The following SSC5D variants were observed in gnomAD, a reference collection of about 807,000 sequenced individuals.
SSC5D encodes soluble scavenger receptor cysteine-rich domain-containing protein SSC5D.
Under a neutral mutation model 104.6 loss-of-function variants are expected in SSC5D, and 106 were observed. The observed-to-expected ratio is 1.01, with a 90% CI of 0.87 to 1.19. The LOEUF (loss-of-function observed/expected upper bound fraction) is 1.19, where lower values mean the gene tolerates loss of function less well. SSC5D is among the 50% of genes most tolerant of loss of function. SSC5D has a pLI of 0.00. For synonymous variants in SSC5D, 860 were observed against 883.5 expected (o/e 0.97, Z 0.47); for missense variants, 1,993 against 2,153.8 (o/e 0.93, Z 1.48).
Position 55,488,452 on chromosome 19 carries a change from C to G in SSC5D, c.-138C>G. On this transcript the variant is annotated 5_prime_UTR_variant, in exon 1 of 14. Transcript: ENST00000389623. ...CTCTTTCTTCCTCCTGGCAAAGCGT[C>G]CAGCCCTGCCTGCTCCTCCTCGGGC... 2 of 590,018 alleles carry G rather than the reference C, an allele frequency of 3.4e-6. No homozygotes were observed. Among genetic ancestry groups the G allele is most frequent in the Non-Finnish European group, 5.9e-6 (2 of 340,566 alleles). The allele number at this position is 590,018 out of a possible 1,614,324, so 36.5% of individuals were successfully genotyped here.
At position 55,493,740 on chromosome 19, in the gene SSC5D, C is replaced by A; in HGVS notation, c.1041C>A (p.Cys347Ter). ...DAAVACRELG[C>*]GGALAAPGGA... ...CTGTGGCCTGCCGAGAGCTGGGCTGCGGAGGGGCGCTGGCCGCCCCCGGGG... is the reference window on the plus strand; with the variant it reads ...CTGTGGCCTGCCGAGAGCTGGGCTGAGGAGGGGCGCTGGCCGCCCCCGGGG... Residue 347 changes from cysteine (C) to a stop codon, truncating the protein, a stop_gained, in exon 7 of 14, where the codon TGC becomes TGA. Coordinates refer to ENST00000389623, the MANE Select transcript of SSC5D (RefSeq NM_001144950.2). LOFTEE classifies it high-confidence loss of function. 6.6e-7 allele frequency: 1 copy of A among 1,522,972 alleles called. No individual in the cohort carries two copies. Among genetic ancestry groups the A allele is most frequent in the Admixed American group, 2.1e-5 (1 of 46,570 alleles). The allele number at this position is 1,522,972 out of a possible 1,614,324, so 94.3% of individuals were successfully genotyped here. A position where few individuals can be genotyped will look rare whatever the true frequency, so the allele number is the denominator to read the frequency against.
intron 12 of SSC5D, chr19:55,504,399 G>T (rs1987593431): frequency 1.6e-6 from 2 of 1,258,370 alleles, no homozygotes; most frequent in African/African-American, 1.5e-5. Context: ...GCGGGGTGGA[G>T]TGGGAGACGA....
At position 55,501,048 on chromosome 19, in the gene SSC5D, G is replaced by A; in HGVS notation, c.2632G>A (p.Asp878Asn). The A allele has an allele frequency of 2.6e-6, 4 of 1,551,976 alleles. No individual in the cohort carries two copies. Among genetic ancestry groups the A allele is most frequent in the Non-Finnish European group, 3.5e-6 (4 of 1,147,026 alleles). The stretch of plus-strand genomic sequence containing the variant: ...TTTCTCCAAAGGCTACACAGACTAT[G>A]ACGATTATCCCCCCTGGACCTGGGA... ...GLTCTGYTDY[D>N]DYPPWTWDPT... Residue 878 changes from aspartate (D) to asparagine (N), a missense_variant, in exon 12 of 14, where the codon GAC becomes AAC. Transcript: ENST00000389623.
intron 1 of SSC5D, 128 bp downstream of exon 1, chr19:55,488,742 C>A (rs1987025372): frequency 7.0e-6 from 6 of 857,594 alleles, no homozygotes; most frequent in Non-Finnish European, 1.1e-5. Flanking sequence ...CCTGACATCC[C>A]TTCTGAGGAT....
chr19:55,498,032 C>G lies in SSC5D; in HGVS notation c.1540C>G (p.Gln514Glu). The change falls in exon 9 of 14, where the codon CAG (glutamine) becomes GAG (glutamate). Residue 514 changes from glutamine (Q) to glutamate (E), a missense_variant. Physicochemically the swap from Gln to Glu is conservative, Grantham distance 29. Coordinates refer to ENST00000389623, the MANE Select transcript of SSC5D (RefSeq NM_001144950.2). ...VCRELGCGGP[Q>E]QPDPAAGRFG... is the part of the protein sequence containing the mutation. Reference sequence around the variant, plus strand: ...CCGGGAGCTGGGCTGTGGTGGACCTCAGCAGCCAGACCCTGCTGCTGGCCG... The same window carrying G: ...CCGGGAGCTGGGCTGTGGTGGACCTGAGCAGCCAGACCCTGCTGCTGGCCG... 1 of 1,551,750 alleles carries G rather than the reference C, an allele frequency of 6.4e-7. No individual in the cohort carries two copies. Among genetic ancestry groups the G allele is most frequent in the Non-Finnish European group, 8.7e-7 (1 of 1,147,026 alleles).
In SSC5D at chr19:55,517,453, C is replaced by A. The variant is rs1048715810; in HGVS notation, c.3177C>A (p.Asn1059Lys). The change falls in exon 14 of 14, where the codon AAC becomes AAA. Residue 1059 changes from asparagine (N) to lysine (K), a missense_variant. Around this residue, in one of 6 missense-constraint regions of SSC5D, gnomAD observed 423 missense variants for 409.2 expected, o/e 1.03. Coordinates refer to ENST00000389623, the MANE Select transcript of SSC5D (RefSeq NM_001144950.2). ...CCCCAGACCCGGCCTCCCGGACGAACCCCGACCTCATCTTGACAAGCCCTG... is the reference window on the plus strand; with the variant it reads ...CCCCAGACCCGGCCTCCCGGACGAAACCCGACCTCATCTTGACAAGCCCTG... ...PPTPDPASRTNPDLILTSPDF... is the reference protein window; with the variant it reads ...PPTPDPASRTKPDLILTSPDF... 2.6e-6 allele frequency: 4 copies of A among 1,551,044 alleles called. No individual in the cohort carries two copies. The South Asian group carries it at 3.6e-5, about 14-fold the overall frequency.
chr19:55,516,459 T>A (rs1294497832), intron 13 of SSC5D, among the ~76,000 whole-genome samples: 1 of 150,362 alleles, frequency 6.7e-6, no homozygotes, highest in Non-Finnish European at 1.5e-5. Context: ...ATCACGCCAC[T>A]GCACTCCAGC....
At chr19:55,504,219 C>A in intron 12 of SSC5D, 1 of 1,532,170 alleles carries the variant, frequency 6.5e-7, no homozygotes, top group Non-Finnish European at 8.7e-7. Context: ...GAGGCGGGCA[C>A]GTGCCGGGCA....
At chr19:55,516,167 C>CAAA (rs35777415) in intron 13 of SSC5D, among the ~76,000 whole-genome samples, 61 of 143,544 alleles carry the variant, frequency 4.2e-4, no homozygotes, top group East Asian at 8.3e-4. Flanking sequence ...AAATTAATGC[C>CAAA]AAAAAAAAAA....
chr19:55,489,006 C>G lies in SSC5D; in HGVS notation c.26C>G (p.Ala9Gly). ...CCCCACCCTCCGCCCTCCCTTCCAG[C>G]GGCCCTGGTGGGGATCCAGGCTGTT... MRVLACLL[A>G]ALVGIQAVER... is the part of the protein sequence containing the mutation. The change falls in exon 2 of 14, where the codon GCG (alanine) becomes GGG (glycine). Residue 9 changes from alanine (A) to glycine (G), a missense_variant and splice_region_variant. Coordinates refer to ENST00000389623, the MANE Select transcript of SSC5D (RefSeq NM_001144950.2). 6.7e-7 allele frequency: 1 copy of G among 1,501,178 alleles called. No homozygotes were observed. Among genetic ancestry groups the G allele is most frequent in the Non-Finnish European group, 8.9e-7 (1 of 1,126,406 alleles). The allele number at this position is 1,501,178 out of a possible 1,614,324, so 93.0% of individuals were successfully genotyped here. A position where few individuals can be genotyped will look rare whatever the true frequency, so the allele number is the denominator to read the frequency against.
At chr19:55,493,538 A>C in intron 6 of SSC5D, 57 bp from the exon 7 acceptor site, 1 of 1,369,142 alleles carries the variant, frequency 7.3e-7, no homozygotes, top group East Asian at 2.9e-5. Context: ...AGCATAGCTT[A>C]GTCCCCGCTC....
chr19:55,491,233 C>T (rs1987136167), intron 6 of SSC5D, 153 bp downstream of exon 6: 1 of 830,158 alleles, frequency 1.2e-6, no homozygotes, highest in South Asian at 1.8e-5. Context: ...GCTCTCCAGC[C>T]CCTCCTTCCA....
rs532032070 is a variant in SSC5D, at chr19:55,490,752, C to A, written c.587-20C>A. 1 of 1,477,492 alleles carries A rather than the reference C, an allele frequency of 6.8e-7. No homozygotes were observed. 91.5% of individuals were successfully genotyped at this position (1,477,492 alleles called of 1,614,324 possible). On this transcript the variant is annotated intron_variant, in intron 5 of 13. Transcript: ENST00000389623. ...TCATTTCTCACTGGCCACACCGTCC[C>A]CTCCCTGCTCACCCCACAGAGCGGC...
chr19:55,489,072 C>G (rs1987048417), intron 2 of SSC5D, 40 bp downstream of exon 2: 1 of 1,061,864 alleles, frequency 9.4e-7, no homozygotes, highest in Admixed American at 3.6e-5. Flanking sequence ...GCCCCCCCCC[C>G]CAGGCCTCCC....
Position 55,500,189 on chromosome 19 carries a change from C to T in SSC5D, c.2079C>T (p.Thr693=). ...CCACGGAGGCCCCCCAGAGATGGAC[C>T]TCTCACACCACTGCCACGCTGACCC... The part of the protein sequence containing the change: ...RPTTEAPQRW[T]SHTTATLTPQ... Residue 693 remains threonine, a synonymous_variant, in exon 10 of 14, where the codon ACC becomes ACT. Coordinates refer to ENST00000389623, the MANE Select transcript of SSC5D (RefSeq NM_001144950.2). The surrounding 1 kb of genome is among the most constrained non-coding windows in gnomAD (Gnocchi z 4.6). 6.4e-7 allele frequency: 1 copy of T among 1,551,376 alleles called. No individual in the cohort carries two copies. Among genetic ancestry groups the T allele is most frequent in the Non-Finnish European group, 8.7e-7 (1 of 1,146,888 alleles).
Position 55,513,082 on chromosome 19 carries a change from C to T in SSC5D, c.2857C>T (p.Pro953Ser). 6.4e-7 allele frequency: 1 copy of T among 1,551,152 alleles called. No homozygotes were observed. The highest frequency in any genetic ancestry group is 8.7e-7 in the Non-Finnish European group (1 of 1,146,660). Reference sequence around the variant, plus strand: ...AGGAAGGGGCCTGGCTGAGGGGACCCCTACCGCAGGCAAACTAGGACCAAC... The same window carrying T: ...AGGAAGGGGCCTGGCTGAGGGGACCTCTACCGCAGGCAAACTAGGACCAAC... The part of the protein sequence containing the change: ...PSGRGLAEGT[P>S]TAGKLGPTLG... The change falls in exon 13 of 14, where the codon CCT (proline) becomes TCT (serine). Residue 953 changes from proline to serine, a missense_variant. Pro to Ser is a moderately conservative substitution (Grantham distance 74). Around this residue, in one of 6 missense-constraint regions of SSC5D, gnomAD observed 423 missense variants for 409.2 expected, o/e 1.03. Coordinates refer to ENST00000389623, the MANE Select transcript of SSC5D (RefSeq NM_001144950.2).
rs1987477076 is a variant in SSC5D, at chr19:55,500,813, G to C, written c.2617+9G>C. The C allele has an allele frequency of 6.5e-7, 1 of 1,543,304 alleles. No individual in the cohort carries two copies. Among genetic ancestry groups the C allele is most frequent in the Non-Finnish European group, 8.8e-7 (1 of 1,140,850 alleles). ...GGGGCTCACCTGCACTGGTACCAGG[G>C]CATGGCGGCGGTGGTGGGGTTGTCG... is the stretch of plus-strand genomic sequence containing the variant. On this transcript the variant is annotated intron_variant, in intron 11 of 13. Coordinates refer to ENST00000389623, the MANE Select transcript of SSC5D (RefSeq NM_001144950.2). This position sits in a 1 kb window ranked among gnomAD's most constrained non-coding sequence, Gnocchi z 4.6.
chr19:55,516,461 C>T (rs1033349144), intron 13 of SSC5D, among the ~76,000 whole-genome samples: 3 of 151,350 alleles, frequency 2.0e-5, no homozygotes, highest in African/African-American at 7.3e-5. Flanking sequence ...CACGCCACTG[C>T]ACTCCAGCCT....
rs560697146 is a variant in SSC5D at position 55,501,196 on chromosome 19, A to T, written c.2780A>T (p.Asp927Val). 99 of 1,528,144 alleles carry T rather than the reference A, an allele frequency of 6.5e-5. 1 individual carries two copies. In the South Asian group the frequency reaches 1.2e-3, roughly 19 times the overall value. 94.7% of individuals were successfully genotyped at this position (1,528,144 alleles called of 1,614,324 possible). A position where few individuals can be genotyped will look rare whatever the true frequency, so the allele number is the denominator to read the frequency against. The change falls in exon 12 of 14, where the codon GAC (aspartate) becomes GTC (valine). Residue 927 changes from aspartate to valine, a missense_variant. Around this residue, in one of 6 missense-constraint regions of SSC5D, gnomAD observed 423 missense variants for 409.2 expected, o/e 1.03. Coordinates refer to ENST00000389623, the MANE Select transcript of SSC5D (RefSeq NM_001144950.2). ...TCCCCAGCAATAAGGCGCCTGCCGG[A>T]CACAGGTGAGAGGCCTGATTGGGGT... is the stretch of plus-strand genomic sequence containing the variant. ...SSSPAIRRLP[D>V]TGSKDGYKLP...
Sources: allele counts gnomAD v4.1 joint callset (sites outside exome capture counted in the v4.1 genomes callset), GRCh38; gene constraint gnomAD v4.1.1; regional missense constraint gnomAD v4.1.1; non-coding constraint Gnocchi (gnomAD v3.1); transcripts MANE v1.5; gene names NCBI Gene and HGNC (gene_info 2026-07-23, HGNC 2026-07-21).